NALCN: variants seen among roughly 807,000 people sequenced by gnomAD.
NALCN encodes the protein sodium leak channel NALCN.
Under a neutral mutation model 225.3 loss-of-function variants are expected in NALCN, and 111 were observed. The observed-to-expected ratio is 0.49, with a 90% CI of 0.42 to 0.58. NALCN has a LOEUF of 0.58. NALCN is among the 20% of genes least tolerant of loss of function. The pLI is 0.00. For synonymous variants in NALCN, 764 were observed against 769.0 expected (o/e 0.99, Z 0.11); for missense variants, 1,378 against 2,202.4 (o/e 0.63, Z 7.49).
chr13:101,375,434 T>A (rs927882013), intron 6 of NALCN, among the ~76,000 whole-genome samples: 3 of 152,216 alleles, frequency 2.0e-5, no homozygotes, highest in Admixed American at 1.3e-4. Flanking sequence ...ATTCACTTAT[T>A]TGTGGTTTAT....
chr13:101,401,996 C>G (rs147113141), intron 1 of NALCN, among the ~76,000 whole-genome samples: 2 of 152,202 alleles, frequency 1.3e-5, no homozygotes, highest in African/African-American at 4.8e-5. Context: ...TTGTTTTATG[C>G]CTTCATTCAT....
At chr13:101,172,882 G>C (rs1253297714) in intron 15 of NALCN, among the ~76,000 whole-genome samples, 5 of 151,920 alleles carry the variant, frequency 3.3e-5, no homozygotes, top group African/African-American at 1.2e-4. Context: ...CCCCATTTTA[G>C]AGCGAACAGG....
At chr13:101,289,927 G>A (rs1226279928) in intron 9 of NALCN, among the ~76,000 whole-genome samples, 3 of 152,162 alleles carry the variant, frequency 2.0e-5, no homozygotes, top group African/African-American at 7.2e-5. Flanking sequence ...TAGCCAGGGT[G>A]GGCGGGGCCT....
At position 101,160,115 on chromosome 13, in the gene NALCN, T is replaced by C. The variant is rs1594334040; in HGVS notation, c.1840-15219A>G. Reference sequence around the variant, plus strand: ...GACTACAGGTACACACCACCATGCCTGACTAATTTTTTGTATTTTTAGTAG... The same window carrying C: ...GACTACAGGTACACACCACCATGCCCGACTAATTTTTTGTATTTTTAGTAG... On this transcript the variant is annotated intron_variant, in intron 15 of 43. Coordinates refer to ENST00000251127, the MANE Select transcript of NALCN (RefSeq NM_052867.4). Among the ~76,000 whole-genome samples the C allele has an allele frequency of 3.9e-5, 6 of 152,070 alleles. No individual in the cohort carries two copies. In the South Asian group the frequency reaches 1.3e-3, roughly 32 times the overall value.
chr13:101,079,321 G>A (rs897952431), intron 34 of NALCN, among the ~76,000 whole-genome samples: 3 of 152,190 alleles, frequency 2.0e-5, no homozygotes, highest in African/African-American at 7.2e-5. Context: ...TTTTTAGGAT[G>A]AGAATCTGAA....
intron 10 of NALCN, 82 bp downstream of exon 10, chr13:101,283,851 T>G: frequency 6.7e-6 from 8 of 1,199,634 alleles, no homozygotes; most frequent in Non-Finnish European, 9.3e-6. Flanking sequence ...ATCTAGAGCT[T>G]AAAGAGCTGT....
At chr13:101,107,974 A>G (rs1487441344) in intron 20 of NALCN, among the ~76,000 whole-genome samples, 185 bp from the exon 21 acceptor site, 1 of 148,706 alleles carries the variant, frequency 6.7e-6, no homozygotes, top group Non-Finnish European at 1.5e-5. Flanking sequence ...ATGTATATTT[A>G]TACTAAATGT....
chr13:101,107,525 T>A lies in NALCN; in HGVS notation c.2541A>T (p.Arg847Ser). The change falls in exon 22 of 44, where the codon AGA (arginine) becomes AGT (serine). Residue 847 changes from arginine to serine, a missense_variant. Coordinates refer to ENST00000251127, the MANE Select transcript of NALCN (RefSeq NM_052867.4). ...LFIVGREHRF[R>S]NFCRVVVRAR... The stretch of plus-strand genomic sequence containing the variant: ...CTCGGACCACCACCCGGCAAAAGTT[T>A]CTGAACCTGTGTTCTCGCCCGACAA... 6.2e-7 allele frequency: 1 copy of A among 1,614,174 alleles called. No individual in the cohort carries two copies. Among genetic ancestry groups the A allele is most frequent in the Non-Finnish European group, 8.5e-7 (1 of 1,179,998 alleles).
intron 11 of NALCN, among the ~76,000 whole-genome samples, chr13:101,250,940 G>A (rs2042044701): frequency 6.6e-6 from 1 of 151,902 alleles, no homozygotes; most frequent in Admixed American, 6.6e-5. Context: ...CCAAGAAAAT[G>A]TATATTAAGA....
chr13:101,223,274 C>G (rs763761573), intron 13 of NALCN, among the ~76,000 whole-genome samples: 1 of 152,182 alleles, frequency 6.6e-6, no homozygotes, highest in Non-Finnish European at 1.5e-5. Context: ...AGCTTCACCC[C>G]ATTCCAACAC....
At chr13:101,232,034 G>A (rs1428375579) in intron 12 of NALCN, among the ~76,000 whole-genome samples, 1 of 142,246 alleles carries the variant, frequency 7.0e-6, no homozygotes, top group South Asian at 2.2e-4. Flanking sequence ...GGGTACTGCT[G>A]TAAGAGTCAC....
intron 13 of NALCN, among the ~76,000 whole-genome samples, chr13:101,226,011 A>G (rs992875599): frequency 2.0e-5 from 3 of 152,120 alleles, no homozygotes. Context: ...CTCAGCAGGA[A>G]GTAGCCAGAA....
chr13:101,310,099 G>A (rs769451139), intron 7 of NALCN, among the ~76,000 whole-genome samples: 1 of 152,086 alleles, frequency 6.6e-6, no homozygotes, highest in Non-Finnish European at 1.5e-5. Context: ...CTTTGTCCAA[G>A]CCACTGCCAT....
chr13:101,204,267 A>G (rs538322278), intron 13 of NALCN, among the ~76,000 whole-genome samples: 18 of 152,312 alleles, frequency 1.2e-4, no homozygotes, highest in Admixed American at 1.1e-3. Context: ...AGGAGGAAAT[A>G]AAGTTGAAAC....
intron 17 of NALCN, among the ~76,000 whole-genome samples, chr13:101,141,834 C>T (rs1164338358): frequency 1.3e-5 from 2 of 152,046 alleles, no homozygotes; most frequent in Non-Finnish European, 2.9e-5. Flanking sequence ...ATATGGATTT[C>T]ACTATAAGCA....
At chr13:101,175,498 G>A (rs1309380717) in intron 15 of NALCN, among the ~76,000 whole-genome samples, 2 of 152,114 alleles carry the variant, frequency 1.3e-5, no homozygotes, top group Non-Finnish European at 2.9e-5. Flanking sequence ...ATTATAACAG[G>A]TGTGGTTCTG....
At chr13:101,259,641 G>T (rs2042351148) in intron 10 of NALCN, among the ~76,000 whole-genome samples, 1 of 150,364 alleles carries the variant, frequency 6.7e-6, no homozygotes, top group Admixed American at 6.6e-5. Context: ...GCCATAATGA[G>T]TATTATTATA....
intron 10 of NALCN, among the ~76,000 whole-genome samples, chr13:101,270,596 T>A (rs1175991513): frequency 6.6e-6 from 1 of 152,196 alleles, no homozygotes; most frequent in Admixed American, 6.5e-5. Context: ...AAGGAAAGAC[T>A]CATTTTGAAA....
At position 101,241,849 on chromosome 13, in the gene NALCN, C is replaced by T. The variant is rs2041772067; in HGVS notation, c.1267-3927G>A. Among the ~76,000 whole-genome samples, 8 of 36,964 alleles carry T rather than the reference C, an allele frequency of 2.2e-4. 2 individuals are homozygous for T. Among genetic ancestry groups the T allele is most frequent in the Admixed American group, 1.8e-3 (8 of 4,562 alleles). 24.2% of individuals were successfully genotyped at this position (36,964 alleles called of 152,430 possible). On this transcript the variant is annotated intron_variant, in intron 11 of 43. Transcript: ENST00000251127. Reference sequence around the variant, plus strand: ...CTTCCTGATGTTATGTGGGGCCTCTCTTCTGCCTCTTCACTTTGCACAGGC... The same window carrying T: ...CTTCCTGATGTTATGTGGGGCCTCTTTTCTGCCTCTTCACTTTGCACAGGC...
Sources: gnomAD v4.1 joint callset for allele counts (sites outside exome capture counted in the v4.1 genomes callset) on GRCh38, gnomAD v4.1.1 for gene constraint, MANE v1.5 for transcripts, NCBI Gene and HGNC (gene_info 2026-07-23, HGNC 2026-07-21) for gene names.